Variants in SDC2 observed in about 807,000 individuals in gnomAD.
SDC2 encodes syndecan-2.
In SDC2, 13 loss-of-function variants were observed where a neutral mutation model predicts 22.2. That is an observed-to-expected ratio of 0.59 (90% CI 0.38 to 0.93). The LOEUF (loss-of-function observed/expected upper bound fraction) is 0.93, where lower values mean the gene tolerates loss of function less well. Ranked by LOEUF, SDC2 falls within the 40% of genes least tolerant of loss-of-function variation. SDC2 has a pLI of 0.00. For synonymous variants in SDC2, 94 were observed against 92.8 expected (o/e 1.01, Z -0.07); for missense variants, 235 against 246.8 (o/e 0.95, Z 0.32).
intron 1 of SDC2, among the ~76,000 whole-genome samples, chr8:96,520,875 T>C (rs1002088782): frequency 6.6e-6 from 1 of 152,092 alleles, no homozygotes; most frequent in Non-Finnish European, 1.5e-5. Flanking sequence ...ACTTTTCCCC[T>C]GGACACCCAG....
chr8:96,571,368 A>G (rs1814391990), intron 1 of SDC2, among the ~76,000 whole-genome samples: 1 of 152,166 alleles, frequency 6.6e-6, no homozygotes, highest in Non-Finnish European at 1.5e-5. Context: ...GGTGGGATGA[A>G]GTTAGGATGG....
chr8:96,594,674 G>A (rs368370537), intron 2 of SDC2, among the ~76,000 whole-genome samples: 1 of 152,170 alleles, frequency 6.6e-6, no homozygotes, highest in Admixed American at 6.5e-5. Context: ...AATGGCCCCT[G>A]TATGAGTTCA....
At chr8:96,583,093 A>T (rs1468804084) in intron 1 of SDC2, among the ~76,000 whole-genome samples, 2 of 115,700 alleles carry the variant, frequency 1.7e-5, no homozygotes, top group Non-Finnish European at 3.5e-5. Context: ...GTACTTACAT[A>T]CTTCCATAAT....
At chr8:96,602,247 C>T (rs1467749616) in intron 2 of SDC2, 148 bp from the exon 3 acceptor site, 2 of 769,118 alleles carry the variant, frequency 2.6e-6, no homozygotes, top group Non-Finnish European at 2.1e-6. Context: ...TGGTGAAGAC[C>T]ACAGGAAGCT....
chr8:96,542,421 G>T (rs565818498), intron 1 of SDC2, among the ~76,000 whole-genome samples: 2 of 152,150 alleles, frequency 1.3e-5, no homozygotes, highest in African/African-American at 4.8e-5. Context: ...TGAGGATGAG[G>T]CTCTGAAGTT....
intron 1 of SDC2, among the ~76,000 whole-genome samples, chr8:96,587,285 C>T (rs948752458): frequency 9.2e-5 from 14 of 152,188 alleles, no homozygotes; most frequent in African/African-American, 3.4e-4. Flanking sequence ...TCATGTGTGA[C>T]CTCACTTTTG....
chr8:96,508,398 C>T (rs960495734), intron 1 of SDC2, among the ~76,000 whole-genome samples: 3 of 151,046 alleles, frequency 2.0e-5, no homozygotes, highest in South Asian at 2.1e-4. Flanking sequence ...GAGGCTGAGG[C>T]GGCAGAATGG....
intron 1 of SDC2, among the ~76,000 whole-genome samples, chr8:96,552,129 A>G (rs1266217229): frequency 6.6e-6 from 1 of 152,186 alleles, no homozygotes; most frequent in African/African-American, 2.4e-5. Flanking sequence ...TTTTCTCACG[A>G]GGCTTGGACA....
intron 1 of SDC2, among the ~76,000 whole-genome samples, chr8:96,585,216 A>G (rs984149910): frequency 1.3e-5 from 2 of 152,248 alleles, no homozygotes; most frequent in South Asian, 2.1e-4. Flanking sequence ...CAAAAGCAAC[A>G]AAAGGGCATA....
At chr8:96,524,656 G>A (rs1421454769) in intron 1 of SDC2, among the ~76,000 whole-genome samples, 1 of 137,450 alleles carries the variant, frequency 7.3e-6, no homozygotes, top group Non-Finnish European at 1.5e-5. Context: ...ATGATTGCAG[G>A]GTGGCTGGCG....
At chr8:96,546,498 A>G (rs1177746380) in intron 1 of SDC2, among the ~76,000 whole-genome samples, 3 of 152,210 alleles carry the variant, frequency 2.0e-5, no homozygotes, top group African/African-American at 7.2e-5. Flanking sequence ...ACCATAAGAT[A>G]GAATGATAGA....
At chr8:96,568,576 T>C (rs1020146303) in intron 1 of SDC2, among the ~76,000 whole-genome samples, 1 of 152,226 alleles carries the variant, frequency 6.6e-6, no homozygotes, top group Admixed American at 6.5e-5. Flanking sequence ...GTTCTTGATT[T>C]ATAGGTAGAA....
At chr8:96,601,148 G>T (rs1163600706) in intron 2 of SDC2, among the ~76,000 whole-genome samples, 2 of 152,136 alleles carry the variant, frequency 1.3e-5, no homozygotes, top group Non-Finnish European at 2.9e-5. Context: ...AGTGTGCAGT[G>T]GTGCTAGGAA....
At chr8:96,599,193 G>C (rs941685286) in intron 2 of SDC2, among the ~76,000 whole-genome samples, 1 of 151,926 alleles carries the variant, frequency 6.6e-6, no homozygotes, top group Non-Finnish European at 1.5e-5. Flanking sequence ...CACCGGCCTC[G>C]GCCTCCCAAA....
chr8:96,523,684 T>C (rs555152175), intron 1 of SDC2, among the ~76,000 whole-genome samples: 2 of 152,270 alleles, frequency 1.3e-5, no homozygotes, highest in South Asian at 4.1e-4. Flanking sequence ...TTATAAAACG[T>C]TGGTTTAAAC....
intron 1 of SDC2, among the ~76,000 whole-genome samples, chr8:96,544,628 G>A: frequency 6.6e-6 from 1 of 152,104 alleles, no homozygotes; most frequent in East Asian, 1.9e-4. Flanking sequence ...CTACAAGATT[G>A]TGGTGAGCTT....
At chr8:96,546,035 G>C (rs1262686925) in intron 1 of SDC2, among the ~76,000 whole-genome samples, 1 of 152,226 alleles carries the variant, frequency 6.6e-6, no homozygotes. Context: ...AGAAGGTATA[G>C]ACCGCTGACA....
chr8:96,496,395 C>A (rs538795156), intron 1 of SDC2, among the ~76,000 whole-genome samples: 1 of 152,206 alleles, frequency 6.6e-6, no homozygotes, highest in Non-Finnish European at 1.5e-5. Context: ...ATTGGAAAAT[C>A]ATCCAAAAAG....
In SDC2 at chr8:96,565,097, T is replaced by TTTTTTTTTTTTTTTTTTTTTTTTTTTTG. The variant is rs1329448270; in HGVS notation, c.61-28381_61-28380insTTTTTTTTTTTTTTTTTTTTTTTTTGTT. Among the ~76,000 whole-genome samples the TTTTTTTTTTTTTTTTTTTTTTTTTTTTG allele has an allele frequency of 2.6e-4, 34 of 128,668 alleles. 3 individuals carry two copies. The highest frequency in any genetic ancestry group is 1.1e-3 in the African/African-American group (33 of 31,346). The allele number at this position is 128,668 out of a possible 152,430, so 84.4% of individuals were successfully genotyped here. ...ATCCTAAATTTGATTTTTTTTTTTT[T>TTTTTTTTTTTTTTTTTTTTTTTTTTTTG]TTGTTGAGATGGGGAGTGTTGCTCT... On this transcript the variant is annotated intron_variant, in intron 1 of 4. Coordinates refer to ENST00000302190, the MANE Select transcript of SDC2 (RefSeq NM_002998.4).
Sources: allele counts gnomAD v4.1 joint callset (sites outside exome capture counted in the v4.1 genomes callset), GRCh38; gene constraint gnomAD v4.1.1; transcripts MANE v1.5; gene names NCBI Gene and HGNC (gene_info 2026-07-23, HGNC 2026-07-21).